FHIT: variants seen among roughly 807,000 people sequenced by gnomAD.
The protein encoded by FHIT is bis(5'-adenosyl)-triphosphatase.
Under a neutral mutation model 17.9 loss-of-function variants are expected in FHIT, and 19 were observed. The ratio of observed to expected loss-of-function variants is 1.06; its 90% CI spans 0.74 to 1.56. The LOEUF (loss-of-function observed/expected upper bound fraction) is 1.56. Among genes scored for constraint, FHIT ranks in the 40% most tolerant of loss-of-function variants. The probability of loss-of-function intolerance (pLI) is 0.00; values close to 1 mark genes in which losing one functional copy is unlikely to be tolerated. For missense variants in FHIT, 248 were observed against 189.2 expected (o/e 1.31, Z -1.82); for synonymous variants, 81 against 69.7 (o/e 1.16, Z -0.81).
chr3:61,236,238 TATATAA>T lies in FHIT; in HGVS notation c.-213+15057_-213+15062del, dbSNP rs577289749. ...ATATGTTATAATAATATAATATAGA[TATATAA>T]ATATAAATATATATTATTGTTATAT... On this transcript the variant is annotated intron_variant, in intron 1 of 9. Coordinates refer to ENST00000492590, the MANE Select transcript of FHIT (RefSeq NM_002012.4). 9.3e-4 allele frequency among the ~76,000 whole-genome samples: 137 copies of T among 148,044 alleles called. 1 individual carries two copies. The highest frequency in any genetic ancestry group is 2.4e-3 in the African/African-American group (96 of 40,848).
At chr3:60,328,736 C>A (rs1300997537) in intron 5 of FHIT, among the ~76,000 whole-genome samples, 1 of 152,140 alleles carries the variant, frequency 6.6e-6, no homozygotes, top group Non-Finnish European at 1.5e-5. Context: ...TAAGATTGTG[C>A]CCCACCTGTA....
At chr3:59,959,434 G>A (rs1707561131) in intron 7 of FHIT, among the ~76,000 whole-genome samples, 1 of 152,172 alleles carries the variant, frequency 6.6e-6, no homozygotes, top group Non-Finnish European at 1.5e-5. Context: ...ATTTTAGCAA[G>A]AATATTCTGA....
At chr3:60,108,346 T>C (rs546736034) in intron 5 of FHIT, among the ~76,000 whole-genome samples, 1 of 152,310 alleles carries the variant, frequency 6.6e-6, no homozygotes, top group Admixed American at 6.5e-5. Context: ...TCAAGCTAGC[T>C]CAAAAGTTGG....
chr3:60,143,006 T>C (rs1045577487), intron 5 of FHIT, among the ~76,000 whole-genome samples: 1 of 152,182 alleles, frequency 6.6e-6, no homozygotes, highest in African/African-American at 2.4e-5. Context: ...AAGCAGCTAC[T>C]AGTTTGTCTT....
chr3:59,997,946 T>G (rs74370945), intron 7 of FHIT, among the ~76,000 whole-genome samples: 14,494 of 152,158 alleles, frequency 0.095, 924 homozygotes, highest in South Asian at 0.2. Context: ...CTTCCCTATT[T>G]GTAAGTTTCA....
At chr3:60,573,854 G>C (rs1440042747) in intron 4 of FHIT, among the ~76,000 whole-genome samples, 1 of 151,880 alleles carries the variant, frequency 6.6e-6, no homozygotes, top group Non-Finnish European at 1.5e-5. Flanking sequence ...CTGTCACCCA[G>C]GCTGGGGCGC....
At chr3:59,916,515 A>T (rs1012165523) in intron 8 of FHIT, among the ~76,000 whole-genome samples, 5 of 152,184 alleles carry the variant, frequency 3.3e-5, no homozygotes, top group Non-Finnish European at 7.3e-5. Context: ...CCTGCTAGAG[A>T]ACACTAATAC....
intron 5 of FHIT, among the ~76,000 whole-genome samples, chr3:60,124,013 G>GAGAGAT (rs1705407830): frequency 2.3e-5 from 1 of 43,814 alleles, no homozygotes; most frequent in Non-Finnish European, 4.3e-5. Context: ...TATATATAGA[G>GAGAGAT]AGAGAGAGAG....
Position 59,977,973 on chromosome 3 carries a change from C to T in FHIT, c.279+33398G>A, listed in dbSNP as rs183651508. ...ACAGTCATGAAGTTGTTTGTGAAGA[C>T]TCTCATCAGACAAGAGTACAGTGTT... On this transcript the variant is annotated intron_variant, in intron 7 of 9. Transcript: ENST00000492590. Among the ~76,000 whole-genome samples, 1,493 of 152,278 alleles carry T rather than the reference C, an allele frequency of 9.8e-3. 6 individuals carry two copies. Among genetic ancestry groups the T allele is most frequent in the Non-Finnish European group, 0.017 (1,124 of 68,018 alleles).
chr3:60,014,118 G>A lies in FHIT; in HGVS notation c.138C>T (p.Arg46=), dbSNP rs1230216958. ...CTTCATCAGGACGCAGGTCATGGAA[G>A]CGCTCCACTGGCCGCAGCGGGCACA... ...VLVCPLRPVE[R]FHDLRPDEVA... The change falls in exon 6 of 10, where the codon CGC becomes CGT. Residue 46 remains arginine (R), a synonymous_variant. Coordinates refer to ENST00000492590, the MANE Select transcript of FHIT (RefSeq NM_002012.4). 1.5e-5 allele frequency: 24 copies of A among 1,613,952 alleles called. No homozygotes were observed. The highest frequency in any genetic ancestry group is 1.9e-5 in the Non-Finnish European group (22 of 1,179,984).
intron 8 of FHIT, among the ~76,000 whole-genome samples, chr3:59,859,261 TCAG>T: frequency 6.6e-6 from 1 of 152,280 alleles, no homozygotes; most frequent in South Asian, 2.1e-4. Context: ...TGAGAAGAGC[TCAG>T]CAGCGTTTTT....
intron 5 of FHIT, among the ~76,000 whole-genome samples, chr3:60,094,624 G>T (rs1396176098): frequency 6.6e-6 from 1 of 152,150 alleles, no homozygotes; most frequent in African/African-American, 2.4e-5. Flanking sequence ...CTGTCAAAAT[G>T]TAATAAGACA....
intron 4 of FHIT, among the ~76,000 whole-genome samples, chr3:60,692,662 T>C (rs574844355): frequency 6.9e-4 from 105 of 152,268 alleles, no homozygotes; most frequent in South Asian, 6.2e-3. Flanking sequence ...AGCCCACTAA[T>C]ATCCATCTAT....
At chr3:60,119,677 T>C (rs1208981546) in intron 5 of FHIT, among the ~76,000 whole-genome samples, 1 of 152,148 alleles carries the variant, frequency 6.6e-6, no homozygotes, top group Non-Finnish European at 1.5e-5. Flanking sequence ...ACTGTTGGCA[T>C]ATACTTGCCT....
At chr3:61,202,749 A>G (rs1247783676) in intron 1 of FHIT, among the ~76,000 whole-genome samples, 4 of 152,214 alleles carry the variant, frequency 2.6e-5, no homozygotes, top group African/African-American at 9.6e-5. Context: ...TGTCATTAGC[A>G]AAAATGAAAG....
chr3:61,105,574 A>T (rs569397078), intron 2 of FHIT, among the ~76,000 whole-genome samples: 26 of 152,172 alleles, frequency 1.7e-4, no homozygotes, highest in African/African-American at 4.8e-4. Flanking sequence ...ATAATAATAA[A>T]AAAAAAGTGG....
intron 5 of FHIT, among the ~76,000 whole-genome samples, chr3:60,370,676 G>T (rs1156458103): frequency 6.6e-6 from 1 of 151,914 alleles, no homozygotes; most frequent in Non-Finnish European, 1.5e-5. Context: ...AGCCCCAAGA[G>T]CTTCCTCCTT....
At chr3:60,433,899 T>C (rs746648237) in intron 5 of FHIT, among the ~76,000 whole-genome samples, 29 of 152,258 alleles carry the variant, frequency 1.9e-4, no homozygotes, top group Non-Finnish European at 2.8e-4. Context: ...TTTCCTTTGC[T>C]GTGCAGAAGC....
chr3:60,351,238 G>T (rs1374313716), intron 5 of FHIT, among the ~76,000 whole-genome samples: 1 of 152,198 alleles, frequency 6.6e-6, no homozygotes, highest in East Asian at 1.9e-4. Context: ...TTAATTAACT[G>T]TATCACTAGG....
Sources: allele counts gnomAD v4.1 joint callset (sites outside exome capture counted in the v4.1 genomes callset), GRCh38; gene constraint gnomAD v4.1.1; transcripts MANE v1.5; gene names NCBI Gene and HGNC (gene_info 2026-07-23, HGNC 2026-07-21).